FGD3: variants seen among roughly 807,000 people sequenced by gnomAD.
FGD3 encodes FYVE, RhoGEF and PH domain-containing protein 3.
A neutral mutation model predicts 71.8 loss-of-function variants in FGD3; 45 were observed. The observed-to-expected ratio is 0.63, with a 90% confidence interval of 0.49 to 0.80. The LOEUF is 0.80. Among genes scored for constraint, FGD3 ranks in the 30% least tolerant of loss-of-function variants. FGD3 has a pLI of 0.00. For synonymous variants in FGD3, 378 were observed against 392.8 expected (o/e 0.96, Z 0.44); for missense variants, 844 against 951.5 (o/e 0.89, Z 1.49).
At chr9:93,020,461 G>A (rs967361604) in intron 13 of FGD3, 37 bp downstream of exon 13, 2 of 1,572,972 alleles carry the variant, frequency 1.3e-6, no homozygotes, top group African/African-American at 2.7e-5. Context: ...AGACCTCCAG[G>A]GGACGGGCTA....
intron 1 of FGD3, among the ~76,000 whole-genome samples, chr9:92,955,206 C>T (rs1404756670): frequency 6.6e-6 from 1 of 152,220 alleles, no homozygotes; most frequent in African/African-American, 2.4e-5. Context: ...TCCAGCTTTA[C>T]TGTGAGTCAC....
In FGD3 at chr9:92,956,834, C is replaced by CTTT. The variant is rs34469364; in HGVS notation, c.-218+9106_-218+9108dup. On this transcript the variant is annotated intron_variant, in intron 1 of 17. Coordinates refer to ENST00000375482, the MANE Select transcript of FGD3 (RefSeq NM_001083536.2). Reference sequence around the variant, plus strand: ...TGAGATCCATCCATATAATTGCTTTCTTTCTTTTTTTTTTTTTTTTTGAAG... The same window carrying CTTT: ...TGAGATCCATCCATATAATTGCTTTCTTTTTTCTTTTTTTTTTTTTTTTTGAAG... Among the ~76,000 whole-genome samples, 682 of 127,734 alleles carry CTTT rather than the reference C, an allele frequency of 5.3e-3. 94 individuals carry two copies. The highest frequency in any genetic ancestry group is 0.011 in the African/African-American group (336 of 31,666). The allele number at this position is 127,734 out of a possible 152,430, so 83.8% of individuals were successfully genotyped here.
At chr9:93,015,705 C>T in intron 9 of FGD3, 32 bp from the exon 10 acceptor site, 1 of 1,600,354 alleles carries the variant, frequency 6.2e-7, no homozygotes, top group Non-Finnish European at 8.6e-7. Flanking sequence ...GCGGGCAGCT[C>T]TCGTTCCTCA....
In FGD3 at chr9:93,013,813, T is replaced by C. The variant is rs759415765; in HGVS notation, c.1036-39T>C. ...TGCATCTCTAGGTCACCAGCCACTC[T>C]CACAGACCTTTGGTGCCTGAGTCCC... On this transcript the variant is annotated intron_variant, in intron 8 of 17. Coordinates refer to ENST00000375482, the MANE Select transcript of FGD3 (RefSeq NM_001083536.2). The C allele has an allele frequency of 1.2e-5, 19 of 1,609,736 alleles. No homozygotes were observed. The Admixed American group carries it at 1.2e-4, about 10-fold the overall frequency.
chr9:93,019,768 G>A (rs1247467633), intron 11 of FGD3, 63 bp from the exon 12 acceptor site: 3 of 1,493,132 alleles, frequency 2.0e-6, no homozygotes, highest in African/African-American at 2.8e-5. Flanking sequence ...GGTTGAGAGA[G>A]GGCTGGTCAT....
At chr9:93,021,769 C>T (rs535240584) in intron 13 of FGD3, among the ~76,000 whole-genome samples, 40 of 152,314 alleles carry the variant, frequency 2.6e-4, no homozygotes, top group African/African-American at 8.7e-4. Flanking sequence ...GTATCAAGTC[C>T]GCTAGGTTTT....
chr9:93,034,686 G>A lies in FGD3; in HGVS notation c.1926+5G>A, dbSNP rs541397471. On this transcript the variant is annotated splice_donor_5th_base_variant and intron_variant, in intron 17 of 17. Transcript: ENST00000375482. Reference sequence around the variant, plus strand: ...CACCTGCAGGGAGGCAGCCAGGTACGTGTCCCCACCCCACCAGGCCCTCAG... The same window carrying A: ...CACCTGCAGGGAGGCAGCCAGGTACATGTCCCCACCCCACCAGGCCCTCAG... The A allele has an allele frequency of 1.7e-4, 277 of 1,611,522 alleles. No homozygotes were observed. The East Asian group carries it at 4.4e-3, about 26-fold the overall frequency.
Position 93,018,173 on chromosome 9 carries a change from T to A in FGD3, c.1313T>A (p.Phe438Tyr), listed in dbSNP as rs1236989191. 1 of 1,614,030 alleles carries A rather than the reference T, an allele frequency of 6.2e-7. No homozygotes were observed. Among genetic ancestry groups the A allele is most frequent in the African/African-American group, 1.3e-5 (1 of 74,918 alleles). Reference protein sequence around the residue: ...DIVKPNTAHTFIITGRKRSLE... With the variant: ...DIVKPNTAHTYIITGRKRSLE... ...GTCAAGCCAAACACAGCACATACAT[T>A]CATCATAACAGGAAGAAAAAGGTCC... is the stretch of plus-strand genomic sequence containing the variant. Residue 438 changes from phenylalanine (F) to tyrosine (Y), a missense_variant, in exon 11 of 18, where the codon TTC becomes TAC. By Grantham distance (22) the Phe-to-Tyr change is conservative (BLOSUM62 3). Transcript: ENST00000375482.
intron 8 of FGD3, among the ~76,000 whole-genome samples, chr9:93,013,217 T>C (rs1332226825): frequency 6.6e-6 from 1 of 152,124 alleles, no homozygotes; most frequent in African/African-American, 2.4e-5. Flanking sequence ...GACGGAAGGG[T>C]CAGCCAAACC....
At chr9:92,992,337 A>C (rs1459248616) in intron 3 of FGD3, among the ~76,000 whole-genome samples, 1 of 152,110 alleles carries the variant, frequency 6.6e-6, no homozygotes, top group Non-Finnish European at 1.5e-5. Flanking sequence ...TTATAGTTTT[A>C]CATGTTTTCA....
At chr9:92,970,198 G>A (rs1006166547) in intron 1 of FGD3, among the ~76,000 whole-genome samples, 1 of 152,200 alleles carries the variant, frequency 6.6e-6, no homozygotes, top group Non-Finnish European at 1.5e-5. Context: ...TCTGAGCCTC[G>A]GCGTCCTCAT....
intron 7 of FGD3, 119 bp from the exon 8 acceptor site, chr9:93,011,095 T>A: frequency 9.4e-7 from 1 of 1,062,442 alleles, no homozygotes; most frequent in Non-Finnish European, 1.4e-6. Flanking sequence ...CCAGGCACCC[T>A]GGGAAAGGCT....
intron 1 of FGD3, among the ~76,000 whole-genome samples, chr9:92,952,665 T>TA (rs1858977023): frequency 6.6e-6 from 1 of 151,844 alleles, no homozygotes; most frequent in African/African-American, 2.4e-5. Context: ...TCCCCCTCTT[T>TA]CTCCTTCTCT....
intron 1 of FGD3, among the ~76,000 whole-genome samples, chr9:92,955,352 T>C (rs1859031336): frequency 6.6e-6 from 1 of 152,044 alleles, no homozygotes; most frequent in South Asian, 2.1e-4. Context: ...CTGACCAACA[T>C]GGAGAAACCC....
chr9:92,962,662 C>T (rs927727774), intron 1 of FGD3, among the ~76,000 whole-genome samples: 9 of 152,114 alleles, frequency 5.9e-5, no homozygotes, highest in Admixed American at 4.6e-4. Context: ...CATCAGTGTC[C>T]GGGCATGGTG....
At chr9:92,968,603 C>T (rs12353227) in intron 1 of FGD3, among the ~76,000 whole-genome samples, 78,439 of 145,014 alleles carry the variant, frequency 0.54, 21,574 homozygotes, top group Middle Eastern at 0.62. Flanking sequence ...TTTTTTCTTT[C>T]TTTCTTTTTT....
chr9:93,013,904 A>C lies in FGD3; in HGVS notation c.1088A>C (p.Asp363Ala). ...EVYEQLGGEE[D>A]IVNPANELIK... ...TACGAGCAGCTGGGTGGGGAAGAAG[A>C]CATTGTCAACCCGGCCAATGAACTG... The change falls in exon 9 of 18, where the codon GAC becomes GCC. Residue 363 changes from aspartate (D) to alanine (A), a missense_variant. Asp to Ala is a moderately radical substitution (Grantham distance 126, BLOSUM62 -2). Coordinates refer to ENST00000375482, the MANE Select transcript of FGD3 (RefSeq NM_001083536.2). 3 of 1,612,730 alleles carry C rather than the reference A, an allele frequency of 1.9e-6. No individual in the cohort carries two copies. Among genetic ancestry groups the C allele is most frequent in the Non-Finnish European group, 2.5e-6 (3 of 1,179,536 alleles).
At chr9:93,018,034 T>G (rs1861769787) in intron 10 of FGD3, 102 bp from the exon 11 acceptor site, 1 of 1,125,852 alleles carries the variant, frequency 8.9e-7, no homozygotes, top group Non-Finnish European at 1.3e-6. Context: ...CAGGCTCACC[T>G]CTGTTACCTC....
chr9:92,992,979 G>A (rs540361220), intron 3 of FGD3, among the ~76,000 whole-genome samples: 1 of 152,154 alleles, frequency 6.6e-6, no homozygotes, highest in Non-Finnish European at 1.5e-5. Context: ...ACTAGAGGCT[G>A]GGTGCCTCCA....
Sources: gnomAD v4.1 joint callset for allele counts (sites outside exome capture counted in the v4.1 genomes callset) on GRCh38, gnomAD v4.1.1 for gene constraint, MANE v1.5 for transcripts, NCBI Gene and HGNC (gene_info 2026-07-23, HGNC 2026-07-21) for gene names.